ADGRV1: variants seen among roughly 807,000 people sequenced by gnomAD.
ADGRV1 encodes adhesion G protein-coupled receptor V1.
Under a neutral mutation model 596.2 loss-of-function variants are expected in ADGRV1, and 359 were observed. The observed-to-expected ratio is 0.60, with a 90% confidence interval of 0.55 to 0.66. The LOEUF (loss-of-function observed/expected upper bound fraction) is 0.66, where lower values mean the gene tolerates loss of function less well. Ranked by LOEUF, ADGRV1 falls within the 30% of genes least tolerant of loss-of-function variation. ADGRV1 has a pLI of 0.00. For synonymous variants in ADGRV1, 2,681 were observed against 2,679.2 expected, an observed-to-expected ratio of 1.00 and a Z score of -0.02; for missense variants, 7,274 against 7,575.6, an observed-to-expected ratio of 0.96 and a Z score of 1.48.
chr5:90,907,502 C>A (rs978782560), intron 83 of ADGRV1, among the ~76,000 whole-genome samples: 10 of 152,106 alleles, frequency 6.6e-5, no homozygotes, highest in African/African-American at 2.4e-4. Context: ...TTCCATCCTT[C>A]CCTTTCTCAC....
At chr5:90,796,235 G>C (rs1037281500) in intron 70 of ADGRV1, among the ~76,000 whole-genome samples, 1 of 152,066 alleles carries the variant, frequency 6.6e-6, no homozygotes, top group Non-Finnish European at 1.5e-5. Flanking sequence ...CTTGAAAAAA[G>C]GTTAGATGAA....
intron 29 of ADGRV1, among the ~76,000 whole-genome samples, chr5:90,688,991 G>C (rs1746091562): frequency 6.6e-6 from 1 of 152,148 alleles, no homozygotes; most frequent in African/African-American, 2.4e-5. Flanking sequence ...TATATAAGAA[G>C]ACTGCCTACT....
intron 10 of ADGRV1, among the ~76,000 whole-genome samples, chr5:90,637,199 T>TA (rs1445915168): frequency 5.3e-5 from 8 of 152,162 alleles, no homozygotes. Flanking sequence ...AGAGTCATGA[T>TA]AAAAATATCT....
chr5:90,902,232 AT>A (rs940979750), intron 83 of ADGRV1, among the ~76,000 whole-genome samples: 1 of 152,086 alleles, frequency 6.6e-6, no homozygotes, highest in Middle Eastern at 3.2e-3. Flanking sequence ...CCTTTGAACC[AT>A]TTTCTGTTAT....
At chr5:90,735,764 T>A (rs988099951) in intron 50 of ADGRV1, among the ~76,000 whole-genome samples, 3 of 151,952 alleles carry the variant, frequency 2.0e-5, no homozygotes, top group Admixed American at 6.6e-5. Context: ...TTTTCTTAAC[T>A]TTTTTGGATA....
At chr5:90,866,446 G>A (rs1420743455) in intron 83 of ADGRV1, among the ~76,000 whole-genome samples, 4 of 151,782 alleles carry the variant, frequency 2.6e-5, no homozygotes, top group Non-Finnish European at 5.9e-5. Context: ...TAGCACCCTT[G>A]AGAATCATTG....
In ADGRV1 at chr5:90,783,261, G is replaced by A; in HGVS notation, c.13369G>A (p.Val4457Ile). Residue 4457 changes from valine to isoleucine, a missense_variant, in exon 66 of 90, where the codon GTC becomes ATC. Transcript: ENST00000405460. ...TGATTACATTTTGCATGGCAGTACA[G>A]TCACCTTTCAGCATGGGCAAAACTT... ...GVDYILHGSTVTFQHGQNLSF... is the reference protein window; with the variant it reads ...GVDYILHGSTITFQHGQNLSF... The A allele has an allele frequency of 1.9e-6, 3 of 1,613,532 alleles. No individual in the cohort carries two copies. Among genetic ancestry groups the A allele is most frequent in the South Asian group, 1.1e-5 (1 of 91,076 alleles).
chr5:90,772,119 A>C (rs1757759345), intron 59 of ADGRV1, among the ~76,000 whole-genome samples: 1 of 152,158 alleles, frequency 6.6e-6, no homozygotes. Flanking sequence ...AAACATATAA[A>C]ATATAGTTGA....
intron 87 of ADGRV1, among the ~76,000 whole-genome samples, chr5:91,112,107 C>G (rs904339227): frequency 6.6e-6 from 1 of 152,206 alleles, no homozygotes. Flanking sequence ...TGTTGATTGA[C>G]CAGGCATAGT....
In ADGRV1 at chr5:90,652,618, T is replaced by A; in HGVS notation, c.3634+55T>A. 3 of 1,135,954 alleles carry A rather than the reference T, an allele frequency of 2.6e-6. No individual in the cohort carries two copies. The South Asian group carries it at 5.0e-5, about 19-fold the overall frequency. The allele number at this position is 1,135,954 out of a possible 1,614,324, so 70.4% of individuals were successfully genotyped here. ...TTCCATGTCTTATTTATACTAAATT[T>A]TACATTTTATACTTAGATAATTAGA... On this transcript the variant is annotated intron_variant, in intron 19 of 89. Transcript: ENST00000405460.
At chr5:91,096,926 G>A (rs1462634702) in intron 86 of ADGRV1, among the ~76,000 whole-genome samples, 1 of 152,072 alleles carries the variant, frequency 6.6e-6, no homozygotes, top group Non-Finnish European at 1.5e-5. Context: ...TTCTGCCTCT[G>A]AATTTGCCTA....
At chr5:90,778,714 C>A (rs1366489635) in intron 63 of ADGRV1, 105 bp downstream of exon 63, 3 of 1,067,144 alleles carry the variant, frequency 2.8e-6, no homozygotes, top group Non-Finnish European at 3.9e-6. Flanking sequence ...TAATTTGCTC[C>A]AAACATCATT....
intron 1 of ADGRV1, among the ~76,000 whole-genome samples, chr5:90,586,562 A>G (rs1758788879): frequency 6.6e-6 from 1 of 152,158 alleles, no homozygotes. Flanking sequence ...ATTACTTCAC[A>G]TGTTTCTTTA....
At chr5:90,891,438 G>A (rs1014409347) in intron 83 of ADGRV1, among the ~76,000 whole-genome samples, 2 of 151,464 alleles carry the variant, frequency 1.3e-5, no homozygotes, top group African/African-American at 4.8e-5. Flanking sequence ...ATTAGTATGT[G>A]CAGGGAAGCA....
In ADGRV1 at chr5:90,692,605, G is replaced by T. The variant is rs1338945655; in HGVS notation, c.6952G>T (p.Val2318Phe). 1.2e-6 allele frequency: 2 copies of T among 1,603,190 alleles called. No individual in the cohort carries two copies. The highest frequency in any genetic ancestry group is 2.2e-5 in the East Asian group (1 of 44,528). Reference protein sequence around the residue: ...LADDVPEIEEVIQVQLTDASG... With the variant: ...LADDVPEIEEFIQVQLTDASG... ...AAGGAAGTTTTCACTGTATTTTTAG[G>T]TTATCCAAGTGCAACTAACTGATGC... The change falls in exon 32 of 90, where the codon GTT (valine) becomes TTT (phenylalanine). Residue 2318 changes from valine to phenylalanine, a missense_variant and splice_region_variant. Around this residue, in one of 5 missense-constraint regions of ADGRV1, gnomAD observed 3,643 missense variants for 3,809.2 expected, o/e 0.96. Transcript: ENST00000405460.
intron 63 of ADGRV1, 30 bp downstream of exon 63, chr5:90,778,639 A>C: frequency 6.8e-7 from 1 of 1,463,308 alleles, no homozygotes; most frequent in Admixed American, 2.4e-5. Flanking sequence ...AGATTTTAAT[A>C]TCATTTTTAT....
At chr5:91,035,861 T>TATATATATATATATATA in intron 85 of ADGRV1, among the ~76,000 whole-genome samples, 2 of 96,402 alleles carry the variant, frequency 2.1e-5, no homozygotes, top group African/African-American at 7.6e-5. Flanking sequence ...TATATATATA[T>TATATATATATATATATA]TATATATATA....
intron 85 of ADGRV1, among the ~76,000 whole-genome samples, chr5:91,039,083 C>G (rs2151266675): frequency 6.6e-6 from 1 of 152,266 alleles, no homozygotes; most frequent in East Asian, 1.9e-4. Context: ...GAACCTGGTG[C>G]TTCCAATATA....
At chr5:90,805,962 G>A (rs1761864948) in intron 72 of ADGRV1, among the ~76,000 whole-genome samples, 1 of 152,132 alleles carries the variant, frequency 6.6e-6, no homozygotes, top group African/African-American at 2.4e-5. Context: ...TAGATAATGA[G>A]AGTTTATAAA....
Sources: gnomAD v4.1 joint callset for allele counts (sites outside exome capture counted in the v4.1 genomes callset) on GRCh38, gnomAD v4.1.1 for gene constraint, gnomAD v4.1.1 regional missense constraint, MANE v1.5 for transcripts, NCBI Gene and HGNC (gene_info 2026-07-23, HGNC 2026-07-21) for gene names.